SPIDR: variants seen among roughly 807,000 people sequenced by gnomAD.
The protein encoded by SPIDR is DNA repair-scaffolding protein.
Under a neutral mutation model 104.6 loss-of-function variants are expected in SPIDR, and 93 were observed. The ratio of observed to expected loss-of-function variants is 0.89; its 90% confidence interval spans 0.75 to 1.06. The LOEUF (loss-of-function observed/expected upper bound fraction) is 1.06, where lower values mean the gene tolerates loss of function less well. Ranked by LOEUF, SPIDR falls within the 50% of genes least tolerant of loss-of-function variation. SPIDR has a pLI of 0.00. For missense variants in SPIDR, 1,154 were observed against 1,111.2 expected (o/e 1.04, Z -0.55); for synonymous variants, 431 against 416.9 (o/e 1.03, Z -0.41).
chr8:47,411,541 A>G (rs1554671539), intron 7 of SPIDR, among the ~76,000 whole-genome samples: 1 of 152,124 alleles, frequency 6.6e-6, no homozygotes, highest in Non-Finnish European at 1.5e-5. Flanking sequence ...AGTTCATTGT[A>G]GATTCTGGAT....
At chr8:47,517,326 T>A (rs557964962) in intron 8 of SPIDR, among the ~76,000 whole-genome samples, 12 of 152,254 alleles carry the variant, frequency 7.9e-5, no homozygotes, top group African/African-American at 2.9e-4. Flanking sequence ...CTTAAAAAAA[T>A]AATTATTACT....
Position 47,596,225 on chromosome 8 carries a change from A to T in SPIDR, c.1293+219A>T, listed in dbSNP as rs543026874. Among the ~76,000 whole-genome samples, 22 of 152,308 alleles carry T rather than the reference A, an allele frequency of 1.4e-4. No homozygotes were observed. In the South Asian group the frequency reaches 4.3e-3, roughly 30 times the overall value. ...GTTACAGTATTTCATCTTTCTAATT[A>T]TGTGTCTTTAATCTTTATTCTAATT... On this transcript the variant is annotated intron_variant, in intron 9 of 19. Coordinates refer to ENST00000297423, the MANE Select transcript of SPIDR (RefSeq NM_001080394.4).
At chr8:47,367,160 A>G (rs2057335688) in intron 5 of SPIDR, among the ~76,000 whole-genome samples, 2 of 152,204 alleles carry the variant, frequency 1.3e-5, no homozygotes, top group South Asian at 4.1e-4. Context: ...GATTCGAAGC[A>G]GGAGAGGGGT....
At chr8:47,342,028 C>T (rs1160452616) in intron 5 of SPIDR, among the ~76,000 whole-genome samples, 1 of 152,018 alleles carries the variant, frequency 6.6e-6, no homozygotes. Flanking sequence ...CTATTTCTAG[C>T]GATCTCGAAA....
At position 47,302,616 on chromosome 8, in the gene SPIDR, G is replaced by A. The variant is rs966396552; in HGVS notation, c.525+8586G>A. The stretch of plus-strand genomic sequence containing the variant: ...CTTTGATGATGGTGACGTACAGATG[G>A]GGTTTTGGTGTGCATGTCCTTTGTG... On this transcript the variant is annotated intron_variant, in intron 5 of 19. Transcript: ENST00000297423. 5.1e-3 allele frequency among the ~76,000 whole-genome samples: 770 copies of A among 152,274 alleles called. 7 individuals are homozygous for A. In the East Asian group the frequency reaches 0.06, roughly 12 times the overall value.
chr8:47,613,871 T>TATTTC (rs1298065493), intron 10 of SPIDR, among the ~76,000 whole-genome samples: 2 of 152,236 alleles, frequency 1.3e-5, no homozygotes, highest in Non-Finnish European at 2.9e-5. Context: ...TATTTTATTT[T>TATTTC]ATTTTAAGTT....
At chr8:47,568,279 C>T (rs1043635433) in intron 8 of SPIDR, among the ~76,000 whole-genome samples, 1 of 152,062 alleles carries the variant, frequency 6.6e-6, no homozygotes, top group African/African-American at 2.4e-5. Flanking sequence ...TGGAGATCTT[C>T]GTAATACACT....
chr8:47,673,579 T>C (rs768042833), intron 10 of SPIDR: 9 of 596,134 alleles, frequency 1.5e-5, no homozygotes, highest in Admixed American at 2.8e-5. Context: ...AGAAAGGATA[T>C]CTTGAATTCA....
At chr8:47,405,071 G>A (rs1462024124) in intron 6 of SPIDR, among the ~76,000 whole-genome samples, 4 of 152,066 alleles carry the variant, frequency 2.6e-5, no homozygotes, top group African/African-American at 9.7e-5. Context: ...GGATGAAGCT[G>A]GAAACCATCA....
chr8:47,639,721 G>T (rs2068546177), intron 10 of SPIDR, among the ~76,000 whole-genome samples: 1 of 152,150 alleles, frequency 6.6e-6, no homozygotes, highest in African/African-American at 2.4e-5. Flanking sequence ...GCCGAGGCGG[G>T]TGGGTCACTT....
chr8:47,476,503 C>T (rs969941894), intron 8 of SPIDR, among the ~76,000 whole-genome samples: 3 of 152,166 alleles, frequency 2.0e-5, no homozygotes, highest in Admixed American at 6.5e-5. Context: ...AAGACACAGT[C>T]GTGCCATTGT....
chr8:47,403,479 C>CTAAGGAG, intron 6 of SPIDR, among the ~76,000 whole-genome samples: 1 of 152,322 alleles, frequency 6.6e-6, no homozygotes, highest in South Asian at 2.1e-4. Context: ...CCAAAATCTC[C>CTAAGGAG]TTAAGCTGAT....
intron 10 of SPIDR, among the ~76,000 whole-genome samples, chr8:47,648,608 A>T (rs974704286): frequency 1.3e-5 from 2 of 152,358 alleles, no homozygotes; most frequent in South Asian, 4.1e-4. Context: ...AGTGCCAGAT[A>T]GTAGCTTCTA....
intron 10 of SPIDR, among the ~76,000 whole-genome samples, chr8:47,620,273 C>CTT (rs61006472): frequency 1.2e-5 from 1 of 82,908 alleles, no homozygotes; most frequent in Non-Finnish European, 2.4e-5. Context: ...CCATTTAAAC[C>CTT]TTTTTTTTTT....
chr8:47,671,340 T>G (rs759363372), intron 10 of SPIDR, among the ~76,000 whole-genome samples: 2 of 152,100 alleles, frequency 1.3e-5, no homozygotes, highest in Non-Finnish European at 2.9e-5. Flanking sequence ...ATCCCAACAC[T>G]TTGGGAGACC....
chr8:47,534,932 A>G (rs1038770644), intron 8 of SPIDR, among the ~76,000 whole-genome samples: 1 of 152,146 alleles, frequency 6.6e-6, no homozygotes, highest in Admixed American at 6.5e-5. Context: ...AAAGACAGAA[A>G]TTACTAATAT....
At position 47,268,381 on chromosome 8, in the gene SPIDR, T is replaced by G. The variant is rs917746879; in HGVS notation, c.33+7390T>G. 2.5e-4 allele frequency among the ~76,000 whole-genome samples: 38 copies of G among 152,334 alleles called. No individual in the cohort carries two copies. The South Asian group carries it at 7.7e-3, about 31-fold the overall frequency. ...TTTCTGCAGAAAGCCATCTGGGATT[T>G]TGATTTTGTTGAATATATAGACAAA... On this transcript the variant is annotated intron_variant, in intron 1 of 19. Coordinates refer to ENST00000297423, the MANE Select transcript of SPIDR (RefSeq NM_001080394.4).
intron 8 of SPIDR, among the ~76,000 whole-genome samples, chr8:47,593,008 T>G (rs1219773630): frequency 6.6e-6 from 1 of 152,140 alleles, no homozygotes; most frequent in Non-Finnish European, 1.5e-5. Flanking sequence ...TGCCTCAGCC[T>G]CCCGAGTAGC....
intron 5 of SPIDR, among the ~76,000 whole-genome samples, chr8:47,318,103 T>C (rs944704609): frequency 5.9e-5 from 9 of 152,086 alleles, no homozygotes; most frequent in African/African-American, 1.9e-4. Flanking sequence ...AGAGTGACTT[T>C]GACGAGTTGA....
Sources: allele counts gnomAD v4.1 joint callset (sites outside exome capture counted in the v4.1 genomes callset), GRCh38; gene constraint gnomAD v4.1.1; transcripts MANE v1.5; gene names NCBI Gene and HGNC (gene_info 2026-07-23, HGNC 2026-07-21).